CYP4Z1: variants seen among roughly 807,000 people sequenced by gnomAD.
The protein encoded by CYP4Z1 is cytochrome P450 4Z1.
Under a neutral mutation model 54.2 loss-of-function variants are expected in CYP4Z1, and 41 were observed. The ratio of observed to expected loss-of-function variants is 0.76; its 90% CI spans 0.59 to 0.98. CYP4Z1 has a LOEUF of 0.98. Ranked by LOEUF, CYP4Z1 falls within the 50% of genes least tolerant of loss-of-function variation. The pLI is 0.00. For synonymous variants in CYP4Z1, 163 were observed against 206.2 expected, an observed-to-expected ratio of 0.79 and a Z score of 1.79; for missense variants, 513 against 599.0, an observed-to-expected ratio of 0.86 and a Z score of 1.50.
chr1:47,116,839 A>C, intron 11 of CYP4Z1, 107 bp downstream of exon 11: 2 of 789,706 alleles, frequency 2.5e-6, no homozygotes, highest in African/African-American at 1.7e-5. Context: ...GTTGCTCCCC[A>C]TTATTTTACC....
At chr1:47,102,736 C>T (rs1015574306) in intron 8 of CYP4Z1, among the ~76,000 whole-genome samples, 1 of 152,120 alleles carries the variant, frequency 6.6e-6, no homozygotes, top group Non-Finnish European at 1.5e-5. Context: ...AGACACTGTT[C>T]TCTTGTTGTT....
chr1:47,117,342 C>G (rs1644837816), intron 11 of CYP4Z1, among the ~76,000 whole-genome samples: 1 of 152,090 alleles, frequency 6.6e-6, no homozygotes, highest in Admixed American at 6.6e-5. Context: ...AAGATGGGCC[C>G]CAAAATAATA....
chr1:47,057,820 C>T, the CYP4Z1 span, among the ~76,000 whole-genome samples: 1 of 151,838 alleles, frequency 6.6e-6, no homozygotes, highest in Non-Finnish European at 1.5e-5. Context: ...ATATTAACAA[C>T]TTTATTTTTC....
the CYP4Z1 span, among the ~76,000 whole-genome samples, chr1:47,060,897 C>G: frequency 6.6e-6 from 1 of 152,112 alleles, no homozygotes; most frequent in Non-Finnish European, 1.5e-5. Flanking sequence ...AAGATTAAAG[C>G]AATCATTCAA....
intron 9 of CYP4Z1, among the ~76,000 whole-genome samples, chr1:47,109,138 T>C (rs1471385380): frequency 1.3e-4 from 20 of 152,070 alleles, no homozygotes; most frequent in Non-Finnish European, 2.6e-4. Flanking sequence ...ATCCTACTTA[T>C]ACACATACAC....
At chr1:47,084,204 T>C (rs1158454637) in intron 4 of CYP4Z1, among the ~76,000 whole-genome samples, 1 of 152,152 alleles carries the variant, frequency 6.6e-6, no homozygotes, top group Non-Finnish European at 1.5e-5. Flanking sequence ...TCAATGGATC[T>C]GGGAAAAAAC....
chr1:47,086,534 T>C (rs1644596116), intron 6 of CYP4Z1, among the ~76,000 whole-genome samples: 1 of 152,198 alleles, frequency 6.6e-6, no homozygotes, highest in Admixed American at 6.5e-5. Context: ...CACTTTTTGA[T>C]GGGGTTGTTT....
intron 6 of CYP4Z1, among the ~76,000 whole-genome samples, chr1:47,089,459 G>A (rs890718449): frequency 2.0e-5 from 3 of 151,874 alleles, no homozygotes; most frequent in African/African-American, 7.3e-5. Flanking sequence ...GACAAGTCAA[G>A]GGGGAAATGT....
intron 11 of CYP4Z1, 63 bp from the exon 12 acceptor site, chr1:47,117,703 G>C (rs1210683158): frequency 6.6e-7 from 1 of 1,515,110 alleles, no homozygotes; most frequent in Non-Finnish European, 8.9e-7. Context: ...AAAAAGATTG[G>C]CGTATGTTGT....
chr1:47,086,358 G>C (rs199707444), intron 6 of CYP4Z1, among the ~76,000 whole-genome samples: 24,636 of 152,044 alleles, frequency 0.16, 2,707 homozygotes, highest in African/African-American at 0.32. Context: ...AGCACCTGTT[G>C]TTTCCTGACT....
Position 47,091,843 on chromosome 1 carries a change from T to C in CYP4Z1, c.773-2723T>C, listed in dbSNP as rs147094695. On this transcript the variant is annotated intron_variant, in intron 6 of 11. Transcript: ENST00000334194. ...TAACTGCAACTAAGGTTGAGAAAAA[T>C]ATTGGATCAGAGTTTTTCCTGATAT... 4.9e-3 allele frequency among the ~76,000 whole-genome samples: 728 copies of C among 149,364 alleles called. 14 individuals are homozygous for C. Among genetic ancestry groups the C allele is most frequent in the African/African-American group, 0.017 (688 of 41,018 alleles).
chr1:47,060,560 G>A, the CYP4Z1 span, among the ~76,000 whole-genome samples: 1 of 152,156 alleles, frequency 6.6e-6, no homozygotes, highest in Admixed American at 6.5e-5. Context: ...CATAAAGCAA[G>A]TTCTTAGAGA....
chr1:47,107,332 C>T (rs1281428245), intron 9 of CYP4Z1, among the ~76,000 whole-genome samples: 1 of 151,860 alleles, frequency 6.6e-6, no homozygotes, highest in Non-Finnish European at 1.5e-5. Context: ...CTAGAGTCTG[C>T]GCTCGTAACT....
intron 9 of CYP4Z1, among the ~76,000 whole-genome samples, chr1:47,108,816 C>T (rs1351199074): frequency 1.3e-5 from 2 of 152,028 alleles, no homozygotes; most frequent in Admixed American, 6.6e-5. Context: ...TAATGAATGG[C>T]ACCACTGTCT....
intron 11 of CYP4Z1, among the ~76,000 whole-genome samples, chr1:47,117,164 A>G (rs1644836302): frequency 6.6e-6 from 1 of 152,266 alleles, no homozygotes; most frequent in South Asian, 2.1e-4. Context: ...ATGACAACAC[A>G]ATCCACTGAG....
In CYP4Z1 at chr1:47,116,643, A is replaced by C. The variant is rs1271640230; in HGVS notation, c.1267-7A>C. On this transcript the variant is annotated splice_polypyrimidine_tract_variant and splice_region_variant and intron_variant, in intron 10 of 11. Transcript: ENST00000334194. ...GATTAGGACTGGGATCTTCACTCTCATTACAGGTCTTTAACCCCTTGAGAT... is the reference window on the plus strand; with the variant it reads ...GATTAGGACTGGGATCTTCACTCTCCTTACAGGTCTTTAACCCCTTGAGAT... The C allele has an allele frequency of 6.3e-7, 1 of 1,598,670 alleles. No individual in the cohort carries two copies. The highest frequency in any genetic ancestry group is 2.2e-5 in the East Asian group (1 of 44,744).
intron 6 of CYP4Z1, among the ~76,000 whole-genome samples, chr1:47,090,497 A>G (rs1644631063): frequency 6.6e-6 from 1 of 152,248 alleles, no homozygotes; most frequent in Non-Finnish European, 1.5e-5. Context: ...GGATTTACAA[A>G]GTTACAAATG....
upstream of CYP4Z1, among the ~76,000 whole-genome samples, chr1:47,065,907 T>C (rs2202220): frequency 0.46 from 70,459 of 151,878 alleles, 18,308 homozygotes; most frequent in East Asian, 0.97. Context: ...AATGCCTTTA[T>C]ATGCATAAAC....
chr1:47,060,341 G>C, the CYP4Z1 span, among the ~76,000 whole-genome samples: 4 of 152,166 alleles, frequency 2.6e-5, no homozygotes, highest in Admixed American at 2.0e-4. Context: ...GAGACTCATA[G>C]GTTCAAGATA....
Sources: gnomAD v4.1 joint callset for allele counts (sites outside exome capture counted in the v4.1 genomes callset) on GRCh38, gnomAD v4.1.1 for gene constraint, MANE v1.5 for transcripts, NCBI Gene and HGNC (gene_info 2026-07-23, HGNC 2026-07-21) for gene names.